INTU: variants seen among roughly 807,000 people sequenced by gnomAD.
The protein encoded by INTU is protein inturned.
A neutral mutation model predicts 100.5 loss-of-function variants in INTU; 68 were observed. The ratio of observed to expected loss-of-function variants is 0.68; its 90% CI spans 0.56 to 0.83. The LOEUF is 0.83. INTU is among the 40% of genes least tolerant of loss of function. The pLI is 0.00. For missense variants in INTU, 1,071 were observed against 1,114.7 expected (o/e 0.96, Z 0.56); for synonymous variants, 357 against 395.7 (o/e 0.90, Z 1.16).
In INTU at chr4:127,713,945, G is replaced by A; in HGVS notation, c.2569G>A (p.Gly857Arg). 1 of 1,601,598 alleles carries A rather than the reference G, an allele frequency of 6.2e-7. No homozygotes were observed. Among genetic ancestry groups the A allele is most frequent in the Non-Finnish European group, 8.5e-7 (1 of 1,171,594 alleles). The change falls in exon 15 of 16, where the codon GGA becomes AGA. Residue 857 changes from glycine (G) to arginine (R), a missense_variant. Physicochemically the swap from Gly to Arg is moderately radical, Grantham distance 125 (BLOSUM62 -2). Coordinates refer to ENST00000335251, the MANE Select transcript of INTU (RefSeq NM_015693.4). Reference protein sequence around the residue: ...QQTLVEEKKKGLNSGDHSDSA... With the variant: ...QQTLVEEKKKRLNSGDHSDSA... ...ACCTATTAATTTACAGAAAAAGAAA[G>A]GACTAAATAGTGGAGACCATTCAGA...
In INTU at chr4:127,723,861, T is replaced by A. The variant is rs1001494992; in HGVS notation, c.*7425T>A. The A allele has an allele frequency of 6.6e-6, 1 of 151,870 alleles. No homozygotes were observed. Among genetic ancestry groups the A allele is most frequent in the Non-Finnish European group, 1.5e-5 (1 of 68,022 alleles). The allele number at this position is 151,870 out of a possible 1,614,324, so 9.4% of individuals were successfully genotyped here. ...AGCACTCTCTTTTAACAGTCCCAGA[T>A]ACCTGGGAGGCTGAGGTGGGAAGAT... On this transcript the variant is annotated 3_prime_UTR_variant, in exon 16 of 16. Transcript: ENST00000335251.
At chr4:127,661,632 A>G (rs1347258903) in intron 3 of INTU, among the ~76,000 whole-genome samples, 7 of 152,104 alleles carry the variant, frequency 4.6e-5, no homozygotes, top group African/African-American at 9.7e-5. Context: ...CTAAAGCCCA[A>G]TGCCAGGGGA....
At chr4:127,674,982 A>G (rs1269237125) in intron 6 of INTU, among the ~76,000 whole-genome samples, 1 of 152,222 alleles carries the variant, frequency 6.6e-6, no homozygotes, top group African/African-American at 2.4e-5. Flanking sequence ...TCTTTCTACA[A>G]CATTGATTCC....
At chr4:127,647,034 A>C (rs1466460772) in intron 2 of INTU, among the ~76,000 whole-genome samples, 2 of 152,170 alleles carry the variant, frequency 1.3e-5, no homozygotes, top group Admixed American at 1.3e-4. Context: ...CCTTCTATCC[A>C]TAAATCCCCA....
chr4:127,649,772 T>A (rs1727755595), intron 2 of INTU, among the ~76,000 whole-genome samples: 1 of 152,208 alleles, frequency 6.6e-6, no homozygotes, highest in South Asian at 2.1e-4. Context: ...TTGTCTCTAG[T>A]GCTTAGAAGA....
At chr4:127,692,287 A>G (rs1399285831) in intron 8 of INTU, among the ~76,000 whole-genome samples, 1 of 151,574 alleles carries the variant, frequency 6.6e-6, no homozygotes, top group Non-Finnish European at 1.5e-5. Context: ...CCATTGTTGC[A>G]GGAGTGAGGT....
intron 3 of INTU, among the ~76,000 whole-genome samples, chr4:127,660,174 C>A (rs564726365): frequency 6.6e-6 from 1 of 151,992 alleles, no homozygotes; most frequent in East Asian, 1.9e-4. Context: ...CTTTATTGAC[C>A]GGGGATGGAG....
intron 2 of INTU, among the ~76,000 whole-genome samples, chr4:127,645,422 A>T (rs1727532736): frequency 6.6e-6 from 1 of 151,926 alleles, no homozygotes; most frequent in African/African-American, 2.4e-5. Flanking sequence ...CTTTAAGATG[A>T]CTCCAGCCCC....
intron 2 of INTU, among the ~76,000 whole-genome samples, chr4:127,646,376 C>T (rs1166957638): frequency 6.6e-6 from 1 of 152,014 alleles, no homozygotes; most frequent in Non-Finnish European, 1.5e-5. Flanking sequence ...TAACGTGCCC[C>T]CCTTTCAGTG....
intron 6 of INTU, among the ~76,000 whole-genome samples, chr4:127,683,533 C>T (rs190754196): frequency 2.6e-5 from 4 of 152,278 alleles, no homozygotes; most frequent in Admixed American, 2.0e-4. Flanking sequence ...ATTTTCTCCT[C>T]GTCCATCTCA....
At chr4:127,633,319 C>G (rs900325359) in intron 1 of INTU, 139 bp downstream of exon 1, 1 of 812,986 alleles carries the variant, frequency 1.2e-6, no homozygotes, top group Non-Finnish European at 1.9e-6. Context: ...TTTAATTGCA[C>G]CACGTTCCAT....
At position 127,691,960 on chromosome 4, in the gene INTU, A is replaced by ATGTG. The variant is rs1357108848; in HGVS notation, c.1449+4096_1449+4097insGTGT. On this transcript the variant is annotated intron_variant, in intron 8 of 15. Coordinates refer to ENST00000335251, the MANE Select transcript of INTU (RefSeq NM_015693.4). Reference sequence around the variant, plus strand: ...ATGGCGGAGTATAGTGTTCCATGGTATGTATATATATATATATATATGTCA... The same window carrying ATGTG: ...ATGGCGGAGTATAGTGTTCCATGGTATGTGTGTATATATATATATATATATGTCA... Among the ~76,000 whole-genome samples, 27 of 110,692 alleles carry ATGTG rather than the reference A, an allele frequency of 2.4e-4. 1 individual carries two copies. Among genetic ancestry groups the ATGTG allele is most frequent in the Admixed American group, 1.2e-3 (13 of 10,878 alleles). 72.6% of individuals were successfully genotyped at this position (110,692 alleles called of 152,430 possible). A position where few individuals can be genotyped will look rare whatever the true frequency, so the allele number is the denominator to read the frequency against.
In INTU at chr4:127,688,971, C is replaced by CT. The variant is rs763570146; in HGVS notation, c.1449+1127dup. ...TTCTTTCTTTTTCTTTTCTTTCTTT[C>CT]TTTTTTTTTTTTTTTTTTTTTTTGA... On this transcript the variant is annotated intron_variant, in intron 8 of 15. Coordinates refer to ENST00000335251, the MANE Select transcript of INTU (RefSeq NM_015693.4). 2.9e-3 allele frequency among the ~76,000 whole-genome samples: 254 copies of CT among 87,950 alleles called. 2 individuals are homozygous for CT. The highest frequency in any genetic ancestry group is 4.8e-3 in the African/African-American group (124 of 25,734). The allele number at this position is 87,950 out of a possible 152,430, so 57.7% of individuals were successfully genotyped here.
At chr4:127,652,783 T>C (rs1269543042) in intron 2 of INTU, among the ~76,000 whole-genome samples, 1 of 135,018 alleles carries the variant, frequency 7.4e-6, no homozygotes, top group Non-Finnish European at 1.5e-5. Flanking sequence ...TTGGAATAGT[T>C]TCAGAAGGAA....
chr4:127,704,261 A>G lies in INTU; in HGVS notation c.1537A>G (p.Thr513Ala). 1 of 1,611,168 alleles carries G rather than the reference A, an allele frequency of 6.2e-7. No homozygotes were observed. Among genetic ancestry groups the G allele is most frequent in the Non-Finnish European group, 8.5e-7 (1 of 1,178,374 alleles). The change falls in exon 10 of 16, where the codon ACA (threonine) becomes GCA (alanine). Residue 513 changes from threonine to alanine, a missense_variant. Coordinates refer to ENST00000335251, the MANE Select transcript of INTU (RefSeq NM_015693.4). Reference protein sequence around the residue: ...EDYYDMRRLYTILGSSLFYKG... With the variant: ...EDYYDMRRLYAILGSSLFYKG... The stretch of plus-strand genomic sequence containing the variant: ...TTACTATGACATGAGGCGGCTGTAT[A>G]CAATTTTGGGGTCTTCTCTATTTTA...
intron 4 of INTU, among the ~76,000 whole-genome samples, chr4:127,665,181 T>C (rs1004591905): frequency 2.0e-5 from 3 of 149,988 alleles, no homozygotes; most frequent in Non-Finnish European, 3.0e-5. Context: ...CTACTACTTA[T>C]TATTATTACA....
At chr4:127,672,973 C>T (rs1024177580) in intron 5 of INTU, among the ~76,000 whole-genome samples, 1 of 152,294 alleles carries the variant, frequency 6.6e-6, no homozygotes, top group Non-Finnish European at 1.5e-5. Flanking sequence ...CTGAAACTAT[C>T]GACACAGTGA....
At chr4:127,705,346 A>G (rs894714063) in intron 10 of INTU, among the ~76,000 whole-genome samples, 9 of 152,192 alleles carry the variant, frequency 5.9e-5, no homozygotes, top group Admixed American at 3.3e-4. Flanking sequence ...TACTGAAGCT[A>G]TGCTGTGCAG....
At chr4:127,707,988 T>C (rs1730957527) in intron 12 of INTU, among the ~76,000 whole-genome samples, 1 of 152,178 alleles carries the variant, frequency 6.6e-6, no homozygotes, top group Non-Finnish European at 1.5e-5. Flanking sequence ...AATAACCAGA[T>C]GCAATCTCCT....
Sources: allele counts gnomAD v4.1 joint callset (sites outside exome capture counted in the v4.1 genomes callset), GRCh38; gene constraint gnomAD v4.1.1; transcripts MANE v1.5; gene names NCBI Gene and HGNC (gene_info 2026-07-23, HGNC 2026-07-21).